Variants in ACOX1 observed in about 807,000 individuals in gnomAD.
ACOX1 encodes acyl-CoA oxidase 1, also known as peroxisomal acyl-coenzyme A oxidase 1.
A neutral mutation model predicts 75.5 loss-of-function variants in ACOX1; 41 were observed. The observed-to-expected ratio is 0.54, with a 90% CI of 0.42 to 0.70. ACOX1 has a LOEUF of 0.70. Among genes scored for constraint, ACOX1 ranks in the 30% least tolerant of loss-of-function variants. ACOX1 has a pLI of 0.00. For missense variants in ACOX1, 630 were observed against 837.5 expected, an observed-to-expected ratio of 0.75 and a Z score of 3.06; for synonymous variants, 303 against 298.8, an observed-to-expected ratio of 1.01 and a Z score of -0.15.
intron 6 of ACOX1, among the ~76,000 whole-genome samples, chr17:75,955,036 T>A (rs765965972): frequency 2.0e-5 from 3 of 152,006 alleles, no homozygotes; most frequent in Non-Finnish European, 2.9e-5. Flanking sequence ...CCCAGCTAAT[T>A]TTTTGGTATT....
chr17:75,959,852 C>T (rs2065872068), intron 3 of ACOX1, among the ~76,000 whole-genome samples: 1 of 152,072 alleles, frequency 6.6e-6, no homozygotes, highest in South Asian at 2.1e-4. Flanking sequence ...ATTAAGGTAT[C>T]AGTAGTAAAG....
intron 2 of ACOX1, among the ~76,000 whole-genome samples, chr17:75,970,383 T>A (rs1750945814): frequency 6.6e-6 from 1 of 152,084 alleles, no homozygotes; most frequent in African/African-American, 2.4e-5. Flanking sequence ...CCCAGGCTGT[T>A]CCTTTGATCC....
chr17:75,970,012 C>G (rs1194581068), intron 2 of ACOX1, among the ~76,000 whole-genome samples: 3 of 151,866 alleles, frequency 2.0e-5, no homozygotes. Flanking sequence ...TGGTGAAACC[C>G]TGTCTCTACT....
At position 75,943,002 on chromosome 17, in the gene ACOX1, G is replaced by A. The variant is rs1287102130; in HGVS notation, c.*3746C>T. 1.3e-5 allele frequency: 2 copies of A among 152,124 alleles called. No individual in the cohort carries two copies. Among genetic ancestry groups the A allele is most frequent in the Non-Finnish European group, 2.9e-5 (2 of 68,054 alleles). The allele number at this position is 152,124 out of a possible 1,614,324, so 9.4% of individuals were successfully genotyped here. On this transcript the variant is annotated 3_prime_UTR_variant, in exon 14 of 14. Transcript: ENST00000293217. ...TATGCCTGTAATCCCAGCACTTTGGGAAGTGTGGGGGGAGTGGGAGTGCAG... is the reference window on the plus strand; with the variant it reads ...TATGCCTGTAATCCCAGCACTTTGGAAAGTGTGGGGGGAGTGGGAGTGCAG...
chr17:75,954,728 C>T (rs1433413639), intron 6 of ACOX1, among the ~76,000 whole-genome samples: 4 of 150,680 alleles, frequency 2.7e-5, no homozygotes, highest in Non-Finnish European at 5.9e-5. Flanking sequence ...TGTGCCATCA[C>T]ACCCGGCTAA....
intron 2 of ACOX1, among the ~76,000 whole-genome samples, chr17:75,972,645 C>CAAA (rs10606220): frequency 7.1e-5 from 7 of 99,194 alleles, no homozygotes; most frequent in Non-Finnish European, 1.1e-4. Flanking sequence ...AACTCTGTCT[C>CAAA]AAAAAAAAAA....
intron 2 of ACOX1, chr17:75,973,631 C>G: frequency 1.9e-6 from 3 of 1,614,144 alleles, no homozygotes; most frequent in Non-Finnish European, 2.5e-6. Context: ...TAACCGTGGC[C>G]CATTTCCGTC....
Position 75,950,650 on chromosome 17 carries a change from A to G in ACOX1, c.1298+124T>C, listed in dbSNP as rs1210480763. 2 of 1,129,746 alleles carry G rather than the reference A, an allele frequency of 1.8e-6. No individual in the cohort carries two copies. Among genetic ancestry groups the G allele is most frequent in the African/African-American group, 1.5e-5 (1 of 64,522 alleles). 70.0% of individuals were successfully genotyped at this position (1,129,746 alleles called of 1,614,324 possible). A position where few individuals can be genotyped will look rare whatever the true frequency, so the allele number is the denominator to read the frequency against. ...AAACCGTGAGTCAGGATGGAAGGCAAAAGTATACCTTTCAGGAACAAATAT... is the reference window on the plus strand; with the variant it reads ...AAACCGTGAGTCAGGATGGAAGGCAGAAGTATACCTTTCAGGAACAAATAT... On this transcript the variant is annotated intron_variant, in intron 9 of 13. Coordinates refer to ENST00000293217, the MANE Select transcript of ACOX1 (RefSeq NM_004035.7). This position sits in a 1 kb window ranked among gnomAD's most constrained non-coding sequence, Gnocchi z 4.3.
chr17:75,978,913 G>A lies in ACOX1; in HGVS notation c.109+52C>T. ...CAGCGCCCCTGACTCCGCATCGAGG[G>A]AGTCTCCAGCTTTTCTCGGGAAAGG... On this transcript the variant is annotated intron_variant, in intron 1 of 13. Coordinates refer to ENST00000293217, the MANE Select transcript of ACOX1 (RefSeq NM_004035.7). This position sits in a 1 kb window ranked among gnomAD's most constrained non-coding sequence, Gnocchi z 4.2. 6.2e-7 allele frequency: 1 copy of A among 1,604,428 alleles called. No homozygotes were observed.
rs139366785 is a variant in ACOX1 at position 75,952,021 on chromosome 17, C to T, written c.945-444G>A. Among the ~76,000 whole-genome samples the T allele has an allele frequency of 2.8e-3, 422 of 152,076 alleles. 2 individuals are homozygous for T. The highest frequency in any genetic ancestry group is 9.8e-3 in the African/African-American group (407 of 41,502). ...ACCATGCTGTAATTACCTTGTACTG[C>T]GTAGGCTGACAGAATTTTCTGGCTG... On this transcript the variant is annotated intron_variant, in intron 7 of 13. Coordinates refer to ENST00000293217, the MANE Select transcript of ACOX1 (RefSeq NM_004035.7).
At chr17:75,972,921 A>G (rs577518900) in intron 2 of ACOX1, among the ~76,000 whole-genome samples, 1 of 152,290 alleles carries the variant, frequency 6.6e-6, no homozygotes, top group East Asian at 1.9e-4. Flanking sequence ...TACTCCTGCC[A>G]TTTTGATAAT....
intron 2 of ACOX1, among the ~76,000 whole-genome samples, chr17:75,976,552 C>T (rs777440340): frequency 1.2e-4 from 19 of 152,186 alleles, no homozygotes; most frequent in Non-Finnish European, 2.5e-4. Flanking sequence ...AATATCCCCA[C>T]AGCCATGAGT....
Position 75,958,583 on chromosome 17 carries a change from C to T in ACOX1, c.431-1017G>A, listed in dbSNP as rs527564017. 2.6e-3 allele frequency among the ~76,000 whole-genome samples: 379 copies of T among 146,108 alleles called. 2 individuals are homozygous for T. Among genetic ancestry groups the T allele is most frequent in the South Asian group, 0.017 (81 of 4,772 alleles). On this transcript the variant is annotated intron_variant, in intron 3 of 13. Coordinates refer to ENST00000293217, the MANE Select transcript of ACOX1 (RefSeq NM_004035.7). ...CAGCACTTTGGGGGGCCAAGGCGGG[C>T]GGATCACAAAGTCAGGAGATCGAGA...
rs2065829734 is a variant in ACOX1 at position 75,956,913 on chromosome 17, CTCTCTCTCTCTCTCTCT to C, written c.538+529_538+545del. 4.7e-4 allele frequency among the ~76,000 whole-genome samples: 20 copies of C among 42,940 alleles called. 1 individual carries two copies. The highest frequency in any genetic ancestry group is 1.2e-3 in the African/African-American group (12 of 10,118). 28.2% of individuals were successfully genotyped at this position (42,940 alleles called of 152,430 possible). On this transcript the variant is annotated intron_variant, in intron 4 of 13. Coordinates refer to ENST00000293217, the MANE Select transcript of ACOX1 (RefSeq NM_004035.7). Reference sequence around the variant, plus strand: ...ATGTGCCGCTATGCCTGGCTTTCCTCTCTCTCTCTCTCTCTCTCTCTCTCTCTCTCTCTCTCTCTCTC... The same window carrying C: ...ATGTGCCGCTATGCCTGGCTTTCCTCCTCTCTCTCTCTCTCTCTCTCTCTC...
intron 6 of ACOX1, 34 bp downstream of exon 6, chr17:75,955,532 T>A: frequency 6.4e-7 from 1 of 1,571,586 alleles, no homozygotes; most frequent in Admixed American, 1.7e-5. Flanking sequence ...CTCCACTGTT[T>A]GATGCCTCTG....
chr17:75,969,150 G>T (rs1011674277), intron 2 of ACOX1, among the ~76,000 whole-genome samples: 1 of 152,062 alleles, frequency 6.6e-6, no homozygotes, highest in African/African-American at 2.4e-5. Context: ...AAAGAATACA[G>T]CGTCTTATTT....
At position 75,966,358 on chromosome 17, in the gene ACOX1, G is replaced by C. The variant is rs1250875745; in HGVS notation, c.270-5983C>G. On this transcript the variant is annotated intron_variant, in intron 2 of 13. Transcript: ENST00000293217. ...TGTAATCCCAGCTACTCAGGGGGCTGAGGCAGGAGAATCGCTTGAACCCGG... is the reference window on the plus strand; with the variant it reads ...TGTAATCCCAGCTACTCAGGGGGCTCAGGCAGGAGAATCGCTTGAACCCGG... Among the ~76,000 whole-genome samples, 7 of 150,318 alleles carry C rather than the reference G, an allele frequency of 4.7e-5. No homozygotes were observed. In the South Asian group the frequency reaches 1.5e-3, roughly 32 times the overall value.
chr17:75,956,914 T>TCTCTCTCC (rs2030195456), intron 4 of ACOX1, among the ~76,000 whole-genome samples: 1 of 42,166 alleles, frequency 2.4e-5, no homozygotes, highest in African/African-American at 1.0e-4. Context: ...GGCTTTCCTC[T>TCTCTCTCC]CTCTCTCTCT....
chr17:75,961,692 G>A (rs375454822), intron 2 of ACOX1, among the ~76,000 whole-genome samples: 2 of 148,648 alleles, frequency 1.3e-5, no homozygotes, highest in Non-Finnish European at 3.0e-5. Context: ...CCTGGGAGGC[G>A]GTGGTTGCAG....
Sources: gnomAD v4.1 joint callset for allele counts (sites outside exome capture counted in the v4.1 genomes callset) on GRCh38, gnomAD v4.1.1 for gene constraint, Gnocchi (gnomAD v3.1) non-coding constraint, MANE v1.5 for transcripts, NCBI Gene and HGNC (gene_info 2026-07-23, HGNC 2026-07-21) for gene names.